The following SULT4A1 variants were observed in gnomAD, a reference collection of about 807,000 sequenced individuals.
SULT4A1 encodes the protein sulfotransferase 4A1.
SULT4A1 carries 11 observed loss-of-function variants against 35.2 expected under a neutral mutation model. The observed-to-expected ratio is 0.31, with a 90% CI of 0.20 to 0.52. SULT4A1 has a LOEUF of 0.52. SULT4A1 is among the 20% of genes least tolerant of loss of function. The probability of loss-of-function intolerance (pLI) is 0.97; values close to 1 mark genes in which losing one functional copy is unlikely to be tolerated. For synonymous variants in SULT4A1, 152 were observed against 151.8 expected, an observed-to-expected ratio of 1.00 and a Z score of -0.01; for missense variants, 271 against 383.7, an observed-to-expected ratio of 0.71 and a Z score of 2.45.
intron 1 of SULT4A1, among the ~76,000 whole-genome samples, chr22:43,852,126 C>T (rs576120808): frequency 2.1e-4 from 32 of 152,250 alleles, no homozygotes; most frequent in South Asian, 1.5e-3. Context: ...TCTGGAGTCC[C>T]GGGATATCCA....
chr22:43,826,208 A>G, intron 6 of SULT4A1, 95 bp from the exon 7 acceptor site: 1 of 1,558,926 alleles, frequency 6.4e-7, no homozygotes, highest in East Asian at 2.3e-5. Flanking sequence ...AACATTCCAG[A>G]TCTATTCCTG....
At chr22:43,852,771 T>G (rs188774068) in intron 1 of SULT4A1, among the ~76,000 whole-genome samples, 3 of 150,260 alleles carry the variant, frequency 2.0e-5, no homozygotes, top group Admixed American at 6.7e-5. Flanking sequence ...GGCTGGCAAC[T>G]AGATGGGGAA....
intron 1 of SULT4A1, among the ~76,000 whole-genome samples, chr22:43,851,615 C>T (rs1450484918): frequency 6.6e-6 from 1 of 152,160 alleles, no homozygotes; most frequent in Non-Finnish European, 1.5e-5. Flanking sequence ...CCTCCAACCC[C>T]AGCCTGGAGA....
chr22:43,825,119 T>C lies in SULT4A1; in HGVS notation c.*882A>G, dbSNP rs1371881432. 2 of 152,206 alleles carry C rather than the reference T, an allele frequency of 1.3e-5. No individual in the cohort carries two copies. The highest frequency in any genetic ancestry group is 2.9e-5 in the Non-Finnish European group (2 of 68,050). 9.4% of individuals were successfully genotyped at this position (152,206 alleles called of 1,614,324 possible). On this transcript the variant is annotated 3_prime_UTR_variant, in exon 7 of 7. Transcript: ENST00000330884. ...CCCGGGGATTTTAGAAATTTACTAT[T>C]AAGCATCTGCTTGCCAGCATTAGTA...
chr22:43,834,148 G>A (rs979123214), intron 4 of SULT4A1, among the ~76,000 whole-genome samples: 1 of 152,166 alleles, frequency 6.6e-6, no homozygotes, highest in Non-Finnish European at 1.5e-5. Context: ...TCCAGAACAC[G>A]GGGCCCTGCT....
chr22:43,826,397 G>A (rs1252192996), intron 6 of SULT4A1: 3 of 985,256 alleles, frequency 3.0e-6, no homozygotes, highest in Non-Finnish European at 3.6e-6. Context: ...ACCCCCCGCT[G>A]GGGCCCACCA....
chr22:43,844,918 G>C (rs1051620104), intron 1 of SULT4A1, among the ~76,000 whole-genome samples: 1 of 152,196 alleles, frequency 6.6e-6, no homozygotes, highest in Non-Finnish European at 1.5e-5. Flanking sequence ...ACATGGGGCT[G>C]ACCACATGCA....
intron 5 of SULT4A1, among the ~76,000 whole-genome samples, chr22:43,832,422 G>T (rs373585922): frequency 2.0e-5 from 3 of 152,162 alleles, no homozygotes; most frequent in Non-Finnish European, 4.4e-5. Context: ...ACCTGCAGAC[G>T]GGGTCCTTCC....
chr22:43,826,753 A>G, intron 6 of SULT4A1: 1 of 985,488 alleles, frequency 1.0e-6, no homozygotes, highest in Non-Finnish European at 1.2e-6. Flanking sequence ...AGTGAATCAA[A>G]TAGTCGCAGC....
chr22:43,835,055 C>T lies in SULT4A1; in HGVS notation c.509-1321G>A, dbSNP rs553644436. Among the ~76,000 whole-genome samples, 113 of 114,680 alleles carry T rather than the reference C, an allele frequency of 9.9e-4. 3 individuals carry two copies. The highest frequency in any genetic ancestry group is 3.8e-3 in the African/African-American group (103 of 27,066). The allele number at this position is 114,680 out of a possible 152,430, so 75.2% of individuals were successfully genotyped here. A position where few individuals can be genotyped will look rare whatever the true frequency, so the allele number is the denominator to read the frequency against. ...GCCCCCACCGCGTCCCTGTGCTTCCCGCGCCCCCACCGCGGCCCTGAGCTT... is the reference window on the plus strand; with the variant it reads ...GCCCCCACCGCGTCCCTGTGCTTCCTGCGCCCCCACCGCGGCCCTGAGCTT... On this transcript the variant is annotated intron_variant, in intron 4 of 6. Transcript: ENST00000330884.
At chr22:43,830,755 G>A (rs1488979832) in intron 5 of SULT4A1, among the ~76,000 whole-genome samples, 1 of 152,184 alleles carries the variant, frequency 6.6e-6, no homozygotes, top group Non-Finnish European at 1.5e-5. Flanking sequence ...GTGGGAAAGG[G>A]CCACTGTAAT....
chr22:43,844,223 C>T (rs1314653839), intron 1 of SULT4A1, among the ~76,000 whole-genome samples: 3 of 152,226 alleles, frequency 2.0e-5, no homozygotes, highest in Non-Finnish European at 4.4e-5. Flanking sequence ...AGACAAATCA[C>T]CTCCGCCCGC....
At chr22:43,827,438 A>T in intron 6 of SULT4A1, 1 of 1,216,280 alleles carries the variant, frequency 8.2e-7, no homozygotes, top group Admixed American at 3.5e-5. Context: ...AGAAGCTGCT[A>T]GAGCAACCAA....
intron 5 of SULT4A1, 63 bp downstream of exon 5, chr22:43,833,577 C>G: frequency 7.3e-7 from 1 of 1,362,542 alleles, no homozygotes; most frequent in African/African-American, 1.4e-5. Context: ...AGGGCTCCTG[C>G]GTCAGGAGCT....
At chr22:43,833,603 A>C in intron 5 of SULT4A1, 37 bp downstream of exon 5, 1 of 1,535,238 alleles carries the variant, frequency 6.5e-7, no homozygotes, top group African/African-American at 1.4e-5. Context: ...GCCGAGGGCC[A>C]GGGCACCCGG....
intron 1 of SULT4A1, among the ~76,000 whole-genome samples, chr22:43,845,574 G>C (rs1054692371): frequency 2.6e-5 from 4 of 152,006 alleles, no homozygotes; most frequent in African/African-American, 9.7e-5. Flanking sequence ...CCTCACACCT[G>C]AACTGCTTCC....
chr22:43,833,071 T>C (rs2063336197), intron 5 of SULT4A1, among the ~76,000 whole-genome samples: 1 of 152,078 alleles, frequency 6.6e-6, no homozygotes. Context: ...GTCTCTCCTC[T>C]TTCCCATGGG....
In SULT4A1 at chr22:43,826,084, T is replaced by C. The variant is rs2063285053; in HGVS notation, c.772A>G (p.Thr258Ala). 6.2e-7 allele frequency: 1 copy of C among 1,614,114 alleles called. No individual in the cohort carries two copies. Residue 258 changes from threonine (T) to alanine (A), a missense_variant, in exon 7 of 7, where the codon ACC becomes GCC. Thr to Ala is a moderately conservative substitution (Grantham distance 58, BLOSUM62 0). Around this residue, in one of 3 missense-constraint regions of SULT4A1, gnomAD observed 32 missense variants for 61.9 expected, o/e 0.52. Transcript: ENST00000330884. ...GRVGLWKDIF[T>A]VSMNEKFDLV... ...TCAAACTTCTCATTCATGGAGACGG[T>C]GAAGATGTCCTTCCACAGCCCAACT...
intron 1 of SULT4A1, among the ~76,000 whole-genome samples, chr22:43,861,825 T>C (rs2049472800): frequency 6.6e-6 from 1 of 152,184 alleles, no homozygotes; most frequent in Non-Finnish European, 1.5e-5. Flanking sequence ...TCATCAAAGG[T>C]TGGGCAGGAT....
Sources: gnomAD v4.1 joint callset for allele counts (sites outside exome capture counted in the v4.1 genomes callset) on GRCh38, gnomAD v4.1.1 for gene constraint, gnomAD v4.1.1 regional missense constraint, MANE v1.5 for transcripts, NCBI Gene and HGNC (gene_info 2026-07-23, HGNC 2026-07-21) for gene names.